Variants in TPH1 observed in about 807,000 individuals in gnomAD.
TPH1 encodes tryptophan hydroxylase 1.
In TPH1, 37 loss-of-function variants were observed where a neutral mutation model predicts 49.5. The ratio of observed to expected loss-of-function variants is 0.75; its 90% CI spans 0.58 to 0.98. The LOEUF (loss-of-function observed/expected upper bound fraction) is 0.98, where lower values mean the gene tolerates loss of function less well. TPH1 is among the 50% of genes least tolerant of loss of function. TPH1 has a pLI of 0.00. For missense variants in TPH1, 487 were observed against 523.6 expected, an observed-to-expected ratio of 0.93 and a Z score of 0.68; for synonymous variants, 160 against 182.1, an observed-to-expected ratio of 0.88 and a Z score of 0.98.
At chr11:18,035,319 A>G (rs1012297132) in intron 3 of TPH1, among the ~76,000 whole-genome samples, 1 of 152,206 alleles carries the variant, frequency 6.6e-6, no homozygotes, top group African/African-American at 2.4e-5. Flanking sequence ...AAATTGAGAG[A>G]TAATCAATTA....
chr11:18,040,805 A>G lies in TPH1; in HGVS notation c.-26-17T>C. 2 of 1,601,578 alleles carry G rather than the reference A, an allele frequency of 1.2e-6. No individual in the cohort carries two copies. Among genetic ancestry groups the G allele is most frequent in the Non-Finnish European group, 1.7e-6 (2 of 1,174,504 alleles). ...TCTCTAAAACTAAAGTATGAAAACA[A>G]AGACTACGGGCTAAAAAAGAAGTTG... is the stretch of plus-strand genomic sequence containing the variant. On this transcript the variant is annotated splice_polypyrimidine_tract_variant and intron_variant, in intron 1 of 10. Transcript: ENST00000682019.
intron 3 of TPH1, among the ~76,000 whole-genome samples, chr11:18,034,709 A>G (rs112475335): frequency 7.2e-5 from 11 of 152,328 alleles, no homozygotes; most frequent in African/African-American, 2.6e-4. Flanking sequence ...ATTATTTTAG[A>G]TTGAGTACCA....
In TPH1 at chr11:18,035,365, TTTTC is replaced by T. The variant is rs202053014; in HGVS notation, c.301+590_301+593del. ...ATTATGCCAAATTGTCTGTCTTTCTTTTTCTTTCTTTCTTTCTTTTCTTTCTTTT... is the reference window on the plus strand; with the variant it reads ...ATTATGCCAAATTGTCTGTCTTTCTTTTTCTTTCTTTCTTTTCTTTCTTTT... On this transcript the variant is annotated intron_variant, in intron 3 of 10. Transcript: ENST00000682019. Among the ~76,000 whole-genome samples, 1,063 of 150,884 alleles carry T rather than the reference TTTTC, an allele frequency of 7.0e-3. 6 individuals carry two copies. Among genetic ancestry groups the T allele is most frequent in the Middle Eastern group, 0.01 (3 of 294 alleles).
chr11:18,024,426 A>G (rs1847907083), intron 8 of TPH1, among the ~76,000 whole-genome samples: 1 of 152,220 alleles, frequency 6.6e-6, no homozygotes. Context: ...TGGCTAGAAG[A>G]CAGATGGAGT....
chr11:18,040,291 C>T (rs2134035099), intron 2 of TPH1, among the ~76,000 whole-genome samples: 1 of 147,182 alleles, frequency 6.8e-6, no homozygotes, highest in African/African-American at 2.5e-5. Flanking sequence ...TGTACTCCAT[C>T]TCTGAAGAGT....
chr11:18,034,770 C>T, intron 3 of TPH1, among the ~76,000 whole-genome samples: 1 of 152,010 alleles, frequency 6.6e-6, no homozygotes, highest in Non-Finnish European at 1.5e-5. Context: ...CGAGTGAACT[C>T]CAAGGATTTT....
chr11:18,036,159 G>A lies in TPH1; in HGVS notation c.118-17C>T, dbSNP rs780800325. On this transcript the variant is annotated splice_polypyrimidine_tract_variant and intron_variant, in intron 2 of 10. Transcript: ENST00000682019. ...ATGCTTCTCCTGTGTAAAGCACAGG[G>A]AAAAGATTTCATGTAACTGCCTCAA... 1 of 1,600,170 alleles carries A rather than the reference G, an allele frequency of 6.2e-7. No individual in the cohort carries two copies. The highest frequency in any genetic ancestry group is 8.6e-7 in the Non-Finnish European group (1 of 1,169,158).
chr11:18,044,644 A>AT (rs1848125963), intron 1 of TPH1, among the ~76,000 whole-genome samples: 1 of 151,828 alleles, frequency 6.6e-6, no homozygotes, highest in East Asian at 1.9e-4. Context: ...GGCATCAGTT[A>AT]TTTTTTCCTC....
At chr11:18,032,713 T>C (rs1406884511) in intron 4 of TPH1, among the ~76,000 whole-genome samples, 1 of 151,216 alleles carries the variant, frequency 6.6e-6, no homozygotes, top group Non-Finnish European at 1.5e-5. Context: ...GCCCGGCTAA[T>C]TTTTTTGTAT....
At chr11:18,033,989 C>T (rs1294601001) in intron 3 of TPH1, among the ~76,000 whole-genome samples, 1 of 152,200 alleles carries the variant, frequency 6.6e-6, no homozygotes, top group African/African-American at 2.4e-5. Flanking sequence ...TCCGCAAAGC[C>T]TTCCCTCACC....
intron 3 of TPH1, among the ~76,000 whole-genome samples, chr11:18,034,913 AGTGGTT>A (rs1848028941): frequency 6.6e-6 from 1 of 152,078 alleles, no homozygotes; most frequent in Non-Finnish European, 1.5e-5. Flanking sequence ...GGCACCAGGG[AGTGGTT>A]TTGTGGAAGA....
At position 18,019,979 on chromosome 11, in the gene TPH1, T is replaced by G. The variant is rs984761239; in HGVS notation, c.*1012A>C. On this transcript the variant is annotated 3_prime_UTR_variant, in exon 11 of 11. Transcript: ENST00000682019. Reference sequence around the variant, plus strand: ...CTACTCTCATTGCATACCTTTCTGTTTATGGCCTCACCTTATACCTTAGAA... The same window carrying G: ...CTACTCTCATTGCATACCTTTCTGTGTATGGCCTCACCTTATACCTTAGAA... The G allele has an allele frequency of 1.2e-5, 4 of 327,212 alleles. No individual in the cohort carries two copies. The highest frequency in any genetic ancestry group is 4.2e-5 in the Admixed American group (1 of 23,778). The allele number at this position is 327,212 out of a possible 1,614,324, so 20.3% of individuals were successfully genotyped here.
rs745934557 is a variant in TPH1 at position 18,022,860 on chromosome 11, G to A, written c.1098C>T (p.Ile366=). Residue 366 remains isoleucine, a synonymous_variant, in exon 10 of 11, where the codon ATC becomes ATT. Coordinates refer to ENST00000682019, the MANE Select transcript of TPH1 (RefSeq NM_004179.3). ...PKITCKQECL[I]TTFQDVYFVS... ...CAAAGTAGACATCTTGAAAAGTTGT[G>A]ATAAGACATTCCTGTTTGCAGGTAA... 9 of 1,613,590 alleles carry A rather than the reference G, an allele frequency of 5.6e-6. No individual in the cohort carries two copies. Among genetic ancestry groups the A allele is most frequent in the Non-Finnish European group, 7.6e-6 (9 of 1,179,654 alleles).
At chr11:18,023,643 C>T (rs1854389072) in intron 9 of TPH1, among the ~76,000 whole-genome samples, 1 of 151,902 alleles carries the variant, frequency 6.6e-6, no homozygotes, top group Non-Finnish European at 1.5e-5. Context: ...TTGCTGTTCC[C>T]CATAAATGCC....
At chr11:18,037,521 G>T (rs1368243263) in intron 2 of TPH1, among the ~76,000 whole-genome samples, 1 of 152,060 alleles carries the variant, frequency 6.6e-6, no homozygotes, top group African/African-American at 2.4e-5. Flanking sequence ...GATTGATCAG[G>T]TGTAAAGAAG....
chr11:18,022,950 G>T lies in TPH1; in HGVS notation c.1027-19C>A. ...GTGCATGCTAGAAGACAAAGAGTCA[G>T]TGAATCAAAGAATAATATCTATTTT... On this transcript the variant is annotated intron_variant, in intron 9 of 10. Transcript: ENST00000682019. The T allele has an allele frequency of 6.2e-7, 1 of 1,612,244 alleles. No homozygotes were observed. Among genetic ancestry groups the T allele is most frequent in the Non-Finnish European group, 8.5e-7 (1 of 1,179,120 alleles).
chr11:18,044,702 C>CT (rs1220921695), intron 1 of TPH1, among the ~76,000 whole-genome samples: 1 of 151,710 alleles, frequency 6.6e-6, no homozygotes, highest in Non-Finnish European at 1.5e-5. Context: ...TGCCTTGTTA[C>CT]TTTTTCCTTT....
At chr11:18,040,938 A>G in intron 1 of TPH1, 150 bp from the exon 2 acceptor site, 1 of 634,496 alleles carries the variant, frequency 1.6e-6, no homozygotes, top group South Asian at 1.9e-5. Flanking sequence ...GCAAGAATCT[A>G]GTGAGACCAA....
In TPH1 at chr11:18,018,952, C is replaced by T. The variant is rs1854327548; in HGVS notation, c.*2039G>A. 6.6e-6 allele frequency: 1 copy of T among 151,028 alleles called. No homozygotes were observed. Among genetic ancestry groups the T allele is most frequent in the African/African-American group, 2.4e-5 (1 of 41,028 alleles). The allele number at this position is 151,028 out of a possible 1,614,324, so 9.4% of individuals were successfully genotyped here. ...TTTGCTTTTTTTAATTTCTTTTTTT[C>T]TACATGTTCTAAGATTTGCTATCTA... is the stretch of plus-strand genomic sequence containing the variant. On this transcript the variant is annotated 3_prime_UTR_variant, in exon 11 of 11. Coordinates refer to ENST00000682019, the MANE Select transcript of TPH1 (RefSeq NM_004179.3).
Sources: allele counts gnomAD v4.1 joint callset (sites outside exome capture counted in the v4.1 genomes callset), GRCh38; gene constraint gnomAD v4.1.1; transcripts MANE v1.5; gene names NCBI Gene and HGNC (gene_info 2026-07-23, HGNC 2026-07-21).